ADAR: variants seen among roughly 807,000 people sequenced by gnomAD.
ADAR encodes the protein double-stranded RNA-specific adenosine deaminase.
In ADAR, 41 loss-of-function variants were observed where a neutral mutation model predicts 113.2. That is an observed-to-expected ratio of 0.36 (90% CI 0.28 to 0.47). The LOEUF (loss-of-function observed/expected upper bound fraction) is 0.47. Ranked by LOEUF, ADAR falls within the 20% of genes least tolerant of loss-of-function variation. The probability of loss-of-function intolerance (pLI) is 1.00; values close to 1 mark genes in which losing one functional copy is unlikely to be tolerated. For synonymous variants in ADAR, 605 were observed against 572.6 expected (o/e 1.06, Z -0.81); for missense variants, 1,242 against 1,540.9 (o/e 0.81, Z 3.25).
At position 154,588,249 on chromosome 1, in the gene ADAR, C is replaced by A. The variant is rs149207057; in HGVS notation, c.2895G>T (p.Pro965=). The change falls in exon 11 of 15, where the codon CCG becomes CCT. Residue 965 remains proline, a synonymous_variant. Transcript: ENST00000368474. ...TGTCAAAGAGGGCGCCATCTCCACA[C>A]GGAGCAGTGCTGAAAAACAGGGGTG... ...VSFHLYISTA[P]CGDGALFDKS... The A allele has an allele frequency of 1.9e-6, 3 of 1,614,174 alleles. No homozygotes were observed. In the South Asian group the frequency reaches 3.3e-5, roughly 18 times the overall value.
rs1043460156 is a variant in ADAR at position 154,582,200 on chromosome 1, T to A, written c.*2606A>T. On this transcript the variant is annotated 3_prime_UTR_variant, in exon 15 of 15. Transcript: ENST00000368474. ...CAGTACCCGAGTCTATGCTTGGGGG[T>A]CTTCCTCACTCTGCTCTTGGAGTCA... The A allele has an allele frequency of 1.3e-5, 2 of 152,014 alleles. No individual in the cohort carries two copies. The highest frequency in any genetic ancestry group is 4.9e-5 in the African/African-American group (2 of 41,230). 9.4% of individuals were successfully genotyped at this position (152,014 alleles called of 1,614,324 possible). A position where few individuals can be genotyped will look rare whatever the true frequency, so the allele number is the denominator to read the frequency against.
chr1:154,626,870 A>AAT (rs1698951943), intron 1 of ADAR, among the ~76,000 whole-genome samples: 4 of 152,316 alleles, frequency 2.6e-5, no homozygotes, highest in Admixed American at 2.6e-4. Context: ...AACGACCAAG[A>AAT]TATTTCAAGA....
chr1:154,590,246 CT>C lies in ADAR; in HGVS notation c.2433del (p.Ala813ProfsTer32). The C allele has an allele frequency of 1.2e-6, 2 of 1,613,878 alleles. No homozygotes were observed. Among genetic ancestry groups the C allele is most frequent in the Non-Finnish European group, 1.7e-6 (2 of 1,179,954 alleles). Reference sequence around the variant, plus strand: ...AGCATAGTTCTTCTGAGACTGGCCCCTGTCACTGGGGTTACCTCTGTGAAAC... The same window carrying C: ...AGCATAGTTCTTCTGAGACTGGCCCCGTCACTGGGGTTACCTCTGTGAAAC... ...RMGFTEVTPV[T>X]GASLRRTMLL... On this transcript the variant is annotated frameshift_variant, in exon 7 of 15. Coordinates refer to ENST00000368474, the MANE Select transcript of ADAR (RefSeq NM_001111.5). LOFTEE classifies it high-confidence loss of function.
upstream of ADAR, chr1:154,608,923 C>G (rs1019322863): frequency 6.6e-6 from 1 of 151,206 alleles, no homozygotes; most frequent in African/African-American, 2.4e-5. Context: ...ATGTTATAAA[C>G]TTAAGCAAGC....
chr1:154,585,246 G>A lies in ADAR; in HGVS notation c.3414C>T (p.Ile1138=). The A allele has an allele frequency of 6.2e-7, 1 of 1,614,132 alleles. No homozygotes were observed. Residue 1138 remains isoleucine, a synonymous_variant, in exon 14 of 15, where the codon ATC becomes ATT. Transcript: ENST00000368474. ...WCLADGYDLE[I]LDGTRGTVDG... is the part of the protein sequence containing the mutation. ...CCACAGTGCCTCTGGTACCGTCCAGGATCTCCAGGTCATAGCCATCAGCCA... is the reference window on the plus strand; with the variant it reads ...CCACAGTGCCTCTGGTACCGTCCAGAATCTCCAGGTCATAGCCATCAGCCA...
At position 154,585,348 on chromosome 1, in the gene ADAR, G is replaced by A. The variant is rs765304172; in HGVS notation, c.3316-4C>T. On this transcript the variant is annotated splice_region_variant and splice_polypyrimidine_tract_variant and intron_variant, in intron 13 of 14. Transcript: ENST00000368474. ...CATATATGCTGACTCTGCCAACCTA[G>A]GAATCCCAGAAGCAACGGGAGAAAG... 11 of 1,613,906 alleles carry A rather than the reference G, an allele frequency of 6.8e-6. No individual in the cohort carries two copies. Among genetic ancestry groups the A allele is most frequent in the South Asian group, 6.6e-5 (6 of 91,074 alleles).
At position 154,598,437 on chromosome 1, in the gene ADAR, A is replaced by G. The variant is rs765281225; in HGVS notation, c.1750T>C (p.Ser584Pro). ...TCTTTCTCTGTGGAATAGTGGGATG[A>G]TTCTTCTGATTTTCCACTGTCCTTG... Reference protein sequence around the residue: ...KAKDSGKSEESSHYSTEKESE... With the variant: ...KAKDSGKSEEPSHYSTEKESE... The change falls in exon 3 of 15, where the codon TCA (serine) becomes CCA (proline). Residue 584 changes from serine to proline, a missense_variant. Coordinates refer to ENST00000368474, the MANE Select transcript of ADAR (RefSeq NM_001111.5). 1 of 1,614,018 alleles carries G rather than the reference A, an allele frequency of 6.2e-7. No homozygotes were observed. The highest frequency in any genetic ancestry group is 1.3e-5 in the African/African-American group (1 of 74,894).
intron 6 of ADAR, 84 bp from the exon 7 acceptor site, chr1:154,590,493 G>A (rs1461018343): frequency 7.5e-7 from 1 of 1,338,562 alleles, no homozygotes; most frequent in Non-Finnish European, 1.1e-6. Flanking sequence ...TGAAGATGTG[G>A]CCAGTCTTGC....
rs6426859 is a variant in ADAR at position 154,627,896 on chromosome 1, A to G, written c.-912T>C. On this transcript the variant is annotated 5_prime_UTR_variant, in exon 1 of 15. Transcript: ENST00000368471. ...TCGGGACACGGCCGGACACCCGGAG[A>G]CTGCCAGTGCGGCCGCGACCCTCCC... The G allele has an allele frequency of 0.99, 514,441 of 517,796 alleles. 255,633 individuals are homozygous for G. Among genetic ancestry groups the G allele is most frequent in the East Asian group, 1 (18,276 of 18,276 alleles). 32.1% of individuals were successfully genotyped at this position (517,796 alleles called of 1,614,324 possible).
At chr1:154,627,618 G>C (rs1698982278) in intron 1 of ADAR, among the ~76,000 whole-genome samples, 1 of 152,190 alleles carries the variant, frequency 6.6e-6, no homozygotes, top group Admixed American at 6.5e-5. Flanking sequence ...GCGCACACAC[G>C]GGCGCGCACA....
intron 2 of ADAR, among the ~76,000 whole-genome samples, chr1:154,598,994 C>A (rs140039041): frequency 3.0e-4 from 45 of 152,338 alleles, no homozygotes; most frequent in African/African-American, 1.1e-3. Context: ...AGGGAGGGTC[C>A]TAAAAGATAG....
Position 154,601,151 on chromosome 1 carries a change from T to G in ADAR, c.1491A>C (p.Thr497=). ...LPRCSPYKKL[T]ECQLKNPISG... Reference sequence around the variant, plus strand: ...TGATGGGGTTCTTCAGCTGGCACTCTGTCAGTTTCTTGTAGGGTGAACACC... The same window carrying G: ...TGATGGGGTTCTTCAGCTGGCACTCGGTCAGTTTCTTGTAGGGTGAACACC... The change falls in exon 2 of 15, where the codon ACA becomes ACC. Residue 497 remains threonine (T), a synonymous_variant. Transcript: ENST00000368474. This position sits in a 1 kb window ranked among gnomAD's most constrained non-coding sequence, Gnocchi z 4.7. The G allele has an allele frequency of 2.5e-6, 4 of 1,614,208 alleles. No homozygotes were observed. Among genetic ancestry groups the G allele is most frequent in the Non-Finnish European group, 3.4e-6 (4 of 1,180,034 alleles).
At chr1:154,600,652 T>G (rs1187247989) in intron 2 of ADAR, 6 of 282,466 alleles carry the variant, frequency 2.1e-5, no homozygotes, top group Non-Finnish European at 4.1e-5. Flanking sequence ...TTTTGTATTT[T>G]TAGTAGAGAC....
Position 154,588,565 on chromosome 1 carries a change from G to A in ADAR, c.2871C>T (p.Phe957=). ...EKLQIKKTVS[F]HLYISTAPCG... ...ACTGTACAGACCTGATATACAGATG[G>A]AATGACACAGTCTTTTTTATTTGGA... The change falls in exon 10 of 15, where the codon TTC becomes TTT. Residue 957 remains phenylalanine, a synonymous_variant. Transcript: ENST00000368474. The A allele has an allele frequency of 6.2e-7, 1 of 1,614,084 alleles. No homozygotes were observed. Among genetic ancestry groups the A allele is most frequent in the Non-Finnish European group, 8.5e-7 (1 of 1,180,028 alleles).
intron 7 of ADAR, 27 bp from the exon 8 acceptor site, chr1:154,589,955 AC>A (rs1338837327): frequency 1.2e-6 from 2 of 1,613,282 alleles, no homozygotes; most frequent in South Asian, 1.1e-5. Flanking sequence ...CTGTGTCAGC[AC>A]CACAAAGCTG....
Position 154,613,942 on chromosome 1 carries a change from AC to A in ADAR, c.-870-11317del, listed in dbSNP as rs1254853035. Among the ~76,000 whole-genome samples the A allele has an allele frequency of 4.6e-5, 7 of 151,522 alleles. No individual in the cohort carries two copies. The East Asian group carries it at 1.4e-3, about 29-fold the overall frequency. On this transcript the variant is annotated intron_variant, in intron 1 of 14. Coordinates refer to the ADAR transcript ENST00000368471. ...AAAGAAAGCAAGAAATGCCTCAGGT[AC>A]CCCCAGAAGAAAAAGAGGTCTCCAA...
chr1:154,602,472 A>G lies in ADAR; in HGVS notation c.170T>C (p.Ile57Thr), dbSNP rs1697951028. 1 of 1,613,928 alleles carries G rather than the reference A, an allele frequency of 6.2e-7. No homozygotes were observed. The highest frequency in any genetic ancestry group is 1.3e-5 in the African/African-American group (1 of 74,916). Residue 57 changes from isoleucine to threonine, a missense_variant, in exon 2 of 15, where the codon ATT (isoleucine) becomes ACT (threonine). Ile to Thr is a moderately conservative substitution (Grantham distance 89). Around this residue, in one of 2 missense-constraint regions of ADAR, gnomAD observed 462 missense variants for 483.1 expected, o/e 0.96. Coordinates refer to ENST00000368474, the MANE Select transcript of ADAR (RefSeq NM_001111.5). ...TGGCAGTGACGGTGTCTGCTTTCCA[A>G]TCACCGGTGCTTCTGGGAGCTGCCC... is the stretch of plus-strand genomic sequence containing the variant. The part of the protein sequence containing the change: ...LKGQLPEAPV[I>T]GKQTPSLPPS...
intron 13 of ADAR, 102 bp from the exon 14 acceptor site, chr1:154,585,446 T>C (rs1696694912): frequency 1.3e-6 from 2 of 1,550,510 alleles, no homozygotes; most frequent in African/African-American, 1.4e-5. Context: ...TGTGGGGTCA[T>C]GATCTTTCCC....
upstream of ADAR, among the ~76,000 whole-genome samples, chr1:154,611,612 G>A (rs1051504603): frequency 1.3e-5 from 2 of 152,110 alleles, no homozygotes; most frequent in Non-Finnish European, 2.9e-5. Flanking sequence ...TCATTCATCC[G>A]TGCCTACCCT....
Sources: allele counts gnomAD v4.1 joint callset (sites outside exome capture counted in the v4.1 genomes callset), GRCh38; gene constraint gnomAD v4.1.1; regional missense constraint gnomAD v4.1.1; non-coding constraint Gnocchi (gnomAD v3.1); transcripts MANE v1.5; gene names NCBI Gene and HGNC (gene_info 2026-07-23, HGNC 2026-07-21).